The following TMEM63C variants were observed in gnomAD, a reference collection of about 807,000 sequenced individuals.
The protein encoded by TMEM63C is osmosensitive cation channel TMEM63C.
In TMEM63C, 32 loss-of-function variants were observed where a neutral mutation model predicts 99.2. The observed-to-expected ratio is 0.32, with a 90% CI of 0.24 to 0.43. TMEM63C has a LOEUF of 0.43. TMEM63C is among the 20% of genes least tolerant of loss of function. The pLI, the probability that TMEM63C is intolerant of heterozygous loss-of-function variation, is 1.00. For missense variants in TMEM63C, 826 were observed against 1,053.0 expected (o/e 0.78, Z 2.98); for synonymous variants, 376 against 397.9 (o/e 0.94, Z 0.66).
At position 77,258,578 on chromosome 14, in the gene TMEM63C, C is replaced by T. The variant is rs1566634423; in HGVS notation, c.*1852C>T. On this transcript the variant is annotated 3_prime_UTR_variant, in exon 24 of 24. Transcript: ENST00000298351. ...TACACACCCAGGTCCCACAGGCCCC[C>T]TCCCCACTGGAATTTCACCAACCAA... The T allele has an allele frequency of 6.6e-6, 1 of 152,412 alleles. No homozygotes were observed. Among genetic ancestry groups the T allele is most frequent in the Non-Finnish European group, 1.5e-5 (1 of 68,152 alleles). The allele number at this position is 152,412 out of a possible 1,614,324, so 9.4% of individuals were successfully genotyped here.
rs367657337 is a variant in TMEM63C, at chr14:77,242,450, C to T, written c.1168C>T (p.His390Tyr). The T allele has an allele frequency of 5.6e-6, 9 of 1,613,838 alleles. No homozygotes were observed. Among genetic ancestry groups the T allele is most frequent in the Non-Finnish European group, 7.6e-6 (9 of 1,179,866 alleles). Residue 390 changes from histidine (H) to tyrosine (Y), a missense_variant, in exon 14 of 24, where the codon CAC (histidine) becomes TAC (tyrosine). Transcript: ENST00000298351. ...TTACTGGAGGGTCACTATGGCCCCA[C>T]ACCCCAAAGACATTATTTGGTAAGC... The part of the protein sequence containing the change: ...SYYWRVTMAP[H>Y]PKDIIWKHLS...
At chr14:77,244,623 G>C (rs748628346) in intron 16 of TMEM63C, among the ~76,000 whole-genome samples, 168 bp downstream of exon 16, 9 of 152,218 alleles carry the variant, frequency 5.9e-5, no homozygotes, top group African/African-American at 1.9e-4. Flanking sequence ...CAGGTGTTCT[G>C]TCTTTGGAAG....
intron 1 of TMEM63C, among the ~76,000 whole-genome samples, chr14:77,211,598 C>A (rs1468065669): frequency 2.6e-5 from 4 of 152,154 alleles, no homozygotes; most frequent in African/African-American, 4.8e-5. Context: ...AAAGTGCTGG[C>A]CTTGTTAGTT....
intron 1 of TMEM63C, among the ~76,000 whole-genome samples, chr14:77,202,086 A>C (rs1888309081): frequency 1.3e-5 from 2 of 152,256 alleles, no homozygotes; most frequent in South Asian, 4.1e-4. Context: ...GGAATGACAC[A>C]ACTAAGGGAG....
At chr14:77,253,595 G>GTGT (rs1889410875) in intron 23 of TMEM63C, among the ~76,000 whole-genome samples, 1 of 152,238 alleles carries the variant, frequency 6.6e-6, no homozygotes, top group African/African-American at 2.4e-5. Flanking sequence ...AAGAGCCACC[G>GTGT]TGTACTCGGC....
chr14:77,239,743 T>C lies in TMEM63C; in HGVS notation c.930+17T>C. On this transcript the variant is annotated intron_variant, in intron 12 of 23. Transcript: ENST00000298351. ...TTCAAGGAGGTAACTGGCTTGAGCG[T>C]TGGGAGCACAGCAAGGGAGCGGTGG... The C allele has an allele frequency of 6.2e-7, 1 of 1,612,020 alleles. No individual in the cohort carries two copies. Among genetic ancestry groups the C allele is most frequent in the Non-Finnish European group, 8.5e-7 (1 of 1,179,304 alleles).
chr14:77,211,082 T>C (rs1334038355), intron 1 of TMEM63C, among the ~76,000 whole-genome samples: 2 of 152,182 alleles, frequency 1.3e-5, no homozygotes, highest in Admixed American at 1.3e-4. Flanking sequence ...CAGCCTGGGT[T>C]CCTGGCTCAG....
intron 1 of TMEM63C, among the ~76,000 whole-genome samples, chr14:77,183,268 C>G (rs1356397661): frequency 6.6e-6 from 1 of 152,196 alleles, no homozygotes; most frequent in Non-Finnish European, 1.5e-5. Flanking sequence ...GGGGCCTCTT[C>G]CTGTCTTCTC....
Position 77,189,804 on chromosome 14 carries a change from G to T in TMEM63C, c.-77+7910G>T, listed in dbSNP as rs552096471. 9.2e-5 allele frequency among the ~76,000 whole-genome samples: 14 copies of T among 152,288 alleles called. No individual in the cohort carries two copies. The South Asian group carries it at 2.3e-3, about 25-fold the overall frequency. The stretch of plus-strand genomic sequence containing the variant: ...CAGGTTTCACTGGGGTGGGGGAGTT[G>T]GGAAAAGCAGCCGTGGGTGCTTAAA... On this transcript the variant is annotated intron_variant, in intron 1 of 23. Transcript: ENST00000298351.
At chr14:77,250,433 T>C (rs530707975) in intron 21 of TMEM63C, among the ~76,000 whole-genome samples, 4 of 143,924 alleles carry the variant, frequency 2.8e-5, no homozygotes, top group Admixed American at 2.7e-4. Context: ...TTTCTTTCTT[T>C]TTTTTTTTTT....
intron 5 of TMEM63C, among the ~76,000 whole-genome samples, chr14:77,220,711 G>A (rs899718115): frequency 1.1e-4 from 16 of 152,024 alleles, no homozygotes; most frequent in Non-Finnish European, 1.5e-5. Flanking sequence ...CACAGGAGGA[G>A]GTCAGAGATG....
Position 77,256,784 on chromosome 14 carries a change from G to T in TMEM63C, c.*58G>T. On this transcript the variant is annotated 3_prime_UTR_variant, in exon 24 of 24. Transcript: ENST00000298351. ...GAGGGGTCAGGGGAGGGCCTGGCAA[G>T]GGGAGGCAGGAGGGTGGCCTGGACC... is the stretch of plus-strand genomic sequence containing the variant. 2 of 1,557,990 alleles carry T rather than the reference G, an allele frequency of 1.3e-6. No individual in the cohort carries two copies. The highest frequency in any genetic ancestry group is 2.3e-5 in the South Asian group (2 of 86,866).
intron 21 of TMEM63C, 162 bp from the exon 22 acceptor site, chr14:77,251,627 T>G: frequency 1.6e-6 from 1 of 617,646 alleles, no homozygotes; most frequent in Non-Finnish European, 2.9e-6. Flanking sequence ...AGCAAAGGGA[T>G]GATGTTATTT....
rs750400015 is a variant in TMEM63C, at chr14:77,256,753, C to T, written c.*27C>T. The stretch of plus-strand genomic sequence containing the variant: ...CGGGACCTGAGGCCTCCACTGGCGA[C>T]TTGTTGAGGGGTCAGGGGAGGGCCT... On this transcript the variant is annotated 3_prime_UTR_variant, in exon 24 of 24. Transcript: ENST00000298351. 8.7e-6 allele frequency: 14 copies of T among 1,609,100 alleles called. No homozygotes were observed. The South Asian group carries it at 1.4e-4, about 16-fold the overall frequency.
chr14:77,243,710 G>T (rs900473093), intron 15 of TMEM63C, among the ~76,000 whole-genome samples: 2 of 152,128 alleles, frequency 1.3e-5, no homozygotes, highest in Non-Finnish European at 2.9e-5. Context: ...AGCCTAGAAG[G>T]TCTCTTCTTC....
chr14:77,236,924 C>T (rs185549268), intron 9 of TMEM63C, among the ~76,000 whole-genome samples, 192 bp downstream of exon 9: 2 of 151,510 alleles, frequency 1.3e-5, no homozygotes, highest in East Asian at 3.9e-4. Context: ...TGGCCCCCAC[C>T]TCTCACCCTT....
chr14:77,246,630 G>C lies in TMEM63C; in HGVS notation c.1557G>C (p.Trp519Cys), dbSNP rs1439491149. ...CTAGTTTGGATGTCTTTCTCCGCTGGCTCTTTGACATCTACTATCTAGAGC... is the reference window on the plus strand; with the variant it reads ...CTAGTTTGGATGTCTTTCTCCGCTGCCTCTTTGACATCTACTATCTAGAGC... ...GLTSLDVFLR[W>C]LFDIYYLEQA... Residue 519 changes from tryptophan (W) to cysteine (C), a missense_variant, in exon 18 of 24, where the codon TGG becomes TGC. Coordinates refer to ENST00000298351, the MANE Select transcript of TMEM63C (RefSeq NM_020431.4). 1 of 1,613,354 alleles carries C rather than the reference G, an allele frequency of 6.2e-7. No individual in the cohort carries two copies. The highest frequency in any genetic ancestry group is 8.5e-7 in the Non-Finnish European group (1 of 1,179,658).
At chr14:77,245,846 A>G (rs533596360) in intron 16 of TMEM63C, 94 bp from the exon 17 acceptor site, 2 of 934,740 alleles carry the variant, frequency 2.1e-6, no homozygotes, top group East Asian at 2.4e-5. Context: ...GAGCCAAACC[A>G]TATCAGTGTC....
intron 1 of TMEM63C, among the ~76,000 whole-genome samples, chr14:77,203,307 G>A (rs1423502941): frequency 2.0e-5 from 3 of 151,128 alleles, no homozygotes; most frequent in Admixed American, 6.6e-5. Context: ...ACTTGAACCC[G>A]GGGGGTGGAG....
Sources: allele counts gnomAD v4.1 joint callset (sites outside exome capture counted in the v4.1 genomes callset), GRCh38; gene constraint gnomAD v4.1.1; transcripts MANE v1.5; gene names NCBI Gene and HGNC (gene_info 2026-07-23, HGNC 2026-07-21).